INSL6: variants seen among roughly 807,000 people sequenced by gnomAD.
INSL6 encodes the protein insulin-like peptide INSL6.
INSL6 carries 16 observed loss-of-function variants against 9.4 expected under a neutral mutation model. The ratio of observed to expected loss-of-function variants is 1.70; its 90% CI spans 1.15 to 2.59. The LOEUF is 2.59. Among genes scored for constraint, INSL6 ranks in the 30% most tolerant of loss-of-function variants. The pLI is 0.00. For synonymous variants in INSL6, 154 were observed against 96.9 expected, an observed-to-expected ratio of 1.59 and a Z score of -3.46; for missense variants, 391 against 257.3, an observed-to-expected ratio of 1.52 and a Z score of -3.56.
the INSL6 span, chr9:5,090,980 A>G: frequency 9.0e-7 from 1 of 1,110,998 alleles, no homozygotes; most frequent in South Asian, 1.6e-5. Context: ...TTGTTATTTA[A>G]TAGTTTGCCA....
the INSL6 span, chr9:5,041,088 C>A: frequency 1.4e-6 from 1 of 707,106 alleles, no homozygotes; most frequent in Non-Finnish European, 2.5e-6. Flanking sequence ...CCTACTACAG[C>A]CTGGAGGACC....
chr9:5,075,653 G>A, the INSL6 span, among the ~76,000 whole-genome samples: 1 of 152,166 alleles, frequency 6.6e-6, no homozygotes, highest in African/African-American at 2.4e-5. Context: ...CATTGACAAT[G>A]CACCTGGTCA....
At chr9:5,078,662 A>G in the INSL6 span, among the ~76,000 whole-genome samples, 1 of 152,146 alleles carries the variant, frequency 6.6e-6, no homozygotes, top group African/African-American at 2.4e-5. Context: ...GATTTTTTAA[A>G]AACAGTTTTA....
the INSL6 span, chr9:5,022,291 A>G: frequency 2.4e-5 from 21 of 870,124 alleles, no homozygotes; most frequent in Non-Finnish European, 1.1e-5. Flanking sequence ...AGGTACATGC[A>G]TAATATATAT....
chr9:5,154,344 A>G (rs541721777), intron 2 of INSL6, among the ~76,000 whole-genome samples: 1 of 152,236 alleles, frequency 6.6e-6, no homozygotes, highest in African/African-American at 2.4e-5. Context: ...AAAGACTTAA[A>G]TGTTAGACCT....
At chr9:5,079,192 C>G in the INSL6 span, among the ~76,000 whole-genome samples, 1 of 152,132 alleles carries the variant, frequency 6.6e-6, no homozygotes, top group Non-Finnish European at 1.5e-5. Flanking sequence ...GGTCTTACAT[C>G]TGGTATCCTG....
chr9:5,085,563 T>C, the INSL6 span: 3 of 693,136 alleles, frequency 4.3e-6, no homozygotes, highest in Admixed American at 2.0e-5. Context: ...ATATAACAGC[T>C]GTATTTCCAG....
chr9:5,050,674 T>G, the INSL6 span: 2 of 1,607,328 alleles, frequency 1.2e-6, no homozygotes, highest in South Asian at 2.2e-5. Context: ...TCCTTCAAAT[T>G]TTTGGTTTTA....
chr9:5,149,949 T>C lies in INSL6; in HGVS notation c.376+14230A>G, dbSNP rs552133939. ...GAACCCTGAAATAAAGCCACATACCTACAGCCAACTGATCTCTAACAACGT... is the reference window on the plus strand; with the variant it reads ...GAACCCTGAAATAAAGCCACATACCCACAGCCAACTGATCTCTAACAACGT... On this transcript the variant is annotated intron_variant, in intron 2 of 3. Coordinates refer to the INSL6 transcript ENST00000649639. 6.6e-5 allele frequency among the ~76,000 whole-genome samples: 10 copies of C among 152,310 alleles called. No individual in the cohort carries two copies. The South Asian group carries it at 1.9e-3, about 28-fold the overall frequency.
chr9:5,050,614 A>C, the INSL6 span: 3 of 1,415,466 alleles, frequency 2.1e-6, no homozygotes, highest in South Asian at 1.2e-5. Context: ...ATTATGATTA[A>C]AATATAATCA....
the INSL6 span, chr9:5,072,436 T>A: frequency 7.4e-6 from 10 of 1,350,896 alleles, no homozygotes; most frequent in South Asian, 1.7e-4. Context: ...ATTTTCTTGT[T>A]CCTACTTCGT....
At chr9:5,173,498 C>G (rs138030549) in intron 1 of INSL6, among the ~76,000 whole-genome samples, 248 of 152,180 alleles carry the variant, frequency 1.6e-3, no homozygotes, top group African/African-American at 5.7e-3. Flanking sequence ...CCTCAGCAAA[C>G]TAAGGCAGGA....
chr9:5,105,063 A>G, the INSL6 span, among the ~76,000 whole-genome samples: 1,526 of 152,334 alleles, frequency 0.01, 38 homozygotes, highest in African/African-American at 0.035. Context: ...GGCCAGGGCA[A>G]TCAGGCAAGA....
At chr9:5,034,004 T>G in the INSL6 span, among the ~76,000 whole-genome samples, 89 of 152,240 alleles carry the variant, frequency 5.8e-4, no homozygotes, top group African/African-American at 2.1e-3. Context: ...CCATCTCACG[T>G]GCAGAGACAC....
chr9:5,041,308 C>T, the INSL6 span: 4 of 805,354 alleles, frequency 5.0e-6, no homozygotes, highest in Admixed American at 4.2e-5. Context: ...CCAAGAAGCA[C>T]ATCCCGTGCA....
the INSL6 span, chr9:5,099,987 T>A: frequency 6.6e-6 from 1 of 152,188 alleles, no homozygotes; most frequent in African/African-American, 2.4e-5. Flanking sequence ...TAGTAATCAT[T>A]GAAACCATTA....
At chr9:5,024,286 T>C in the INSL6 span, among the ~76,000 whole-genome samples, 1 of 152,188 alleles carries the variant, frequency 6.6e-6, no homozygotes, top group Non-Finnish European at 1.5e-5. Context: ...CTTGTAAGAT[T>C]CATTTTTAGC....
At chr9:5,069,132 T>A in the INSL6 span, 1 of 1,613,234 alleles carries the variant, frequency 6.2e-7, no homozygotes, top group Non-Finnish European at 8.5e-7. Flanking sequence ...ATCTTTTGAA[T>A]TGTTACCAGA....
At chr9:5,150,262 AC>A (rs1824684407) in intron 2 of INSL6, among the ~76,000 whole-genome samples, 2 of 151,420 alleles carry the variant, frequency 1.3e-5, no homozygotes, top group African/African-American at 4.9e-5. Flanking sequence ...ATAGTTATAA[AC>A]TAGAAAGCCT....
Sources: gnomAD v4.1 joint callset for allele counts (sites outside exome capture counted in the v4.1 genomes callset) on GRCh38, gnomAD v4.1.1 for gene constraint, MANE v1.5 for transcripts, NCBI Gene and HGNC (gene_info 2026-07-23, HGNC 2026-07-21) for gene names.